ANTXR1: variants seen among roughly 807,000 people sequenced by gnomAD.
The protein encoded by ANTXR1 is anthrax toxin receptor 1.
Under a neutral mutation model 78.1 loss-of-function variants are expected in ANTXR1, and 19 were observed. The observed-to-expected ratio is 0.24, with a 90% CI of 0.17 to 0.36. The LOEUF is 0.36. Among genes scored for constraint, ANTXR1 ranks in the 10% least tolerant of loss-of-function variants. The probability of loss-of-function intolerance (pLI) is 1.00; values close to 1 mark genes in which losing one functional copy is unlikely to be tolerated. For synonymous variants in ANTXR1, 273 were observed against 260.5 expected (o/e 1.05, Z -0.46); for missense variants, 518 against 718.6 (o/e 0.72, Z 3.19).
intron 3 of ANTXR1, among the ~76,000 whole-genome samples, chr2:69,063,906 C>T (rs1458827349): frequency 1.3e-5 from 2 of 151,664 alleles, no homozygotes; most frequent in African/African-American, 2.4e-5. Context: ...AAAGACAAGA[C>T]ATACAGCTTT....
intron 10 of ANTXR1, 140 bp downstream of exon 10, chr2:69,103,080 C>CTCACT: frequency 1.1e-6 from 1 of 892,776 alleles, no homozygotes; most frequent in Non-Finnish European, 1.8e-6. Flanking sequence ...CCAGCAAGGG[C>CTCACT]ATAGTGAGCC....
At chr2:69,137,863 C>A (rs1430477290) in intron 12 of ANTXR1, among the ~76,000 whole-genome samples, 1 of 150,546 alleles carries the variant, frequency 6.6e-6, no homozygotes, top group African/African-American at 2.4e-5. Context: ...GCATGTGGAT[C>A]ACCTGGGGTC....
chr2:69,110,404 G>GA (rs1019774880), intron 10 of ANTXR1, among the ~76,000 whole-genome samples: 6 of 152,082 alleles, frequency 3.9e-5, no homozygotes, highest in African/African-American at 1.2e-4. Context: ...AGAGGGAAAA[G>GA]AAAAACATCT....
At chr2:69,026,854 A>G in intron 1 of ANTXR1, among the ~76,000 whole-genome samples, 1 of 152,198 alleles carries the variant, frequency 6.6e-6, no homozygotes, top group South Asian at 2.1e-4. Flanking sequence ...CCATCTCCCA[A>G]AAGAAAAAGC....
At chr2:69,080,902 T>C (rs1487913993) in intron 8 of ANTXR1, among the ~76,000 whole-genome samples, 1 of 152,004 alleles carries the variant, frequency 6.6e-6, no homozygotes, top group Non-Finnish European at 1.5e-5. Context: ...AGGCAGAAGA[T>C]GACATGAAGA....
intron 16 of ANTXR1, among the ~76,000 whole-genome samples, chr2:69,183,713 C>G (rs1051164595): frequency 6.6e-6 from 1 of 151,780 alleles, no homozygotes; most frequent in African/African-American, 2.4e-5. Flanking sequence ...CCATGCCCAG[C>G]CTGAAGGCCT....
At position 69,152,216 on chromosome 2, in the gene ANTXR1, C is replaced by T. The variant is rs937979110; in HGVS notation, c.999C>T (p.Leu333=). 10 of 1,614,062 alleles carry T rather than the reference C, an allele frequency of 6.2e-6. No individual in the cohort carries two copies. Among genetic ancestry groups the T allele is most frequent in the Non-Finnish European group, 6.8e-6 (8 of 1,180,036 alleles). Residue 333 remains leucine (L), a synonymous_variant, in exon 13 of 18, where the codon CTC becomes CTT. Coordinates refer to ENST00000303714, the MANE Select transcript of ANTXR1 (RefSeq NM_032208.3). ...LAIALLILFL[L]LALALLWWFW... Reference sequence around the variant, plus strand: ...TCGCCCTGCTGATCCTGTTCCTGCTCCTAGCCCTGGCTCTCCTCTGGTGGT... The same window carrying T: ...TCGCCCTGCTGATCCTGTTCCTGCTTCTAGCCCTGGCTCTCCTCTGGTGGT...
chr2:69,061,545 C>A (rs536351435), intron 3 of ANTXR1, among the ~76,000 whole-genome samples: 1 of 151,124 alleles, frequency 6.6e-6, no homozygotes, highest in South Asian at 2.1e-4. Context: ...AATTGGCATG[C>A]CCACCATGCA....
At chr2:69,242,890 T>A (rs566189036) in intron 17 of ANTXR1, among the ~76,000 whole-genome samples, 2 of 152,346 alleles carry the variant, frequency 1.3e-5, no homozygotes, top group South Asian at 4.1e-4. Context: ...CAGCCGGGAA[T>A]GTACAGTACT....
intron 9 of ANTXR1, 149 bp downstream of exon 9, chr2:69,091,068 C>T: frequency 1.4e-6 from 1 of 728,856 alleles, no homozygotes; most frequent in Non-Finnish European, 2.3e-6. Context: ...ACCAAATTTG[C>T]TCCAAGGAGA....
At chr2:69,016,245 T>C (rs759047919) in intron 1 of ANTXR1, among the ~76,000 whole-genome samples, 1 of 152,204 alleles carries the variant, frequency 6.6e-6, no homozygotes, top group Non-Finnish European at 1.5e-5. Flanking sequence ...TTTTTAATTT[T>C]ATATAAGTTT....
At chr2:69,044,650 G>T in intron 2 of ANTXR1, 92 bp from the exon 3 acceptor site, 1 of 1,380,722 alleles carries the variant, frequency 7.2e-7, no homozygotes, top group Non-Finnish European at 1.0e-6. Flanking sequence ...TCTGGCAGCC[G>T]TGATAGAAAG....
In ANTXR1 at chr2:69,168,182, A is replaced by AG. The variant is rs531021149; in HGVS notation, c.1048-2059dup. Among the ~76,000 whole-genome samples the AG allele has an allele frequency of 5.3e-5, 8 of 152,270 alleles. No individual in the cohort carries two copies. In the East Asian group the frequency reaches 1.5e-3, roughly 29 times the overall value. On this transcript the variant is annotated intron_variant, in intron 13 of 17. Transcript: ENST00000303714. Reference sequence around the variant, plus strand: ...CCATGCAAAGGCATTTAGTATATGCAGGGGGGGTATGAAAGATGTAATCAA... The same window carrying AG: ...CCATGCAAAGGCATTTAGTATATGCAGGGGGGGGTATGAAAGATGTAATCAA...
In ANTXR1 at chr2:69,028,025, A is replaced by C. The variant is rs1423654708; in HGVS notation, c.153-12019A>C. The stretch of plus-strand genomic sequence containing the variant: ...AGAAAATGAAATAAATGATGCAGGC[A>C]TGTTTAAGGAATTCTCATAATTTCA... On this transcript the variant is annotated intron_variant, in intron 1 of 17. Coordinates refer to ENST00000303714, the MANE Select transcript of ANTXR1 (RefSeq NM_032208.3). 2.0e-5 allele frequency among the ~76,000 whole-genome samples: 3 copies of C among 152,354 alleles called. No homozygotes were observed. In the East Asian group the frequency reaches 5.8e-4, roughly 29 times the overall value.
intron 12 of ANTXR1, chr2:69,146,073 T>C (rs1444794985): frequency 1.0e-6 from 1 of 985,378 alleles, no homozygotes; most frequent in Non-Finnish European, 1.2e-6. Context: ...TCAGAGAATG[T>C]CATCCCTAAT....
At chr2:69,238,873 T>C (rs1675833845) in intron 17 of ANTXR1, among the ~76,000 whole-genome samples, 2 of 152,200 alleles carry the variant, frequency 1.3e-5, no homozygotes, top group African/African-American at 4.8e-5. Flanking sequence ...GTGGAAGCCA[T>C]AGCATATTTT....
At chr2:69,095,326 C>T (rs1030558936) in intron 9 of ANTXR1, among the ~76,000 whole-genome samples, 2 of 152,218 alleles carry the variant, frequency 1.3e-5, no homozygotes, top group African/African-American at 4.8e-5. Flanking sequence ...ATGCATAAGA[C>T]TTAGTCCCAA....
chr2:69,206,006 A>G (rs1042754835), intron 17 of ANTXR1, among the ~76,000 whole-genome samples: 1 of 152,170 alleles, frequency 6.6e-6, no homozygotes, highest in African/African-American at 2.4e-5. Flanking sequence ...GTTTAATATT[A>G]GTGTTTTTCC....
intron 12 of ANTXR1, among the ~76,000 whole-genome samples, chr2:69,140,582 T>C (rs1229039934): frequency 6.6e-6 from 1 of 152,192 alleles, no homozygotes; most frequent in East Asian, 1.9e-4. Flanking sequence ...CATGAATGCT[T>C]TCATGAAAAG....
Sources: allele counts gnomAD v4.1 joint callset (sites outside exome capture counted in the v4.1 genomes callset), GRCh38; gene constraint gnomAD v4.1.1; transcripts MANE v1.5; gene names NCBI Gene and HGNC (gene_info 2026-07-23, HGNC 2026-07-21).